DMRTA1: variants seen among roughly 807,000 people sequenced by gnomAD.
DMRTA1 encodes the protein doublesex- and mab-3-related transcription factor A1.
In DMRTA1, 34 loss-of-function variants were observed where a neutral mutation model predicts 35.2. That is an observed-to-expected ratio of 0.97 (90% CI 0.74 to 1.29). DMRTA1 has a LOEUF of 1.29. Ranked by LOEUF, DMRTA1 falls within the 50% of genes most tolerant of loss-of-function variation. DMRTA1 has a pLI of 0.00. For missense variants in DMRTA1, 824 were observed against 644.6 expected (o/e 1.28, Z -3.01); for synonymous variants, 344 against 276.6 (o/e 1.24, Z -2.42).
In DMRTA1 at chr9:22,451,637, C is replaced by T; in HGVS notation, c.1241C>T (p.Thr414Ile). The change falls in exon 2 of 2, where the codon ACT (threonine) becomes ATT (isoleucine). Residue 414 changes from threonine (T) to isoleucine (I), a missense_variant. Transcript: ENST00000325870. ...AAATCAGCTTTCTCTCCTCTTCAAA[C>T]TACTTCTGCTTCTTATGGAGGTGAT... ...GNKSAFSPLQ[T>I]TSASYGGDSS... 1 of 1,614,146 alleles carries T rather than the reference C, an allele frequency of 6.2e-7. No homozygotes were observed.
At position 22,454,827 on chromosome 9, in the gene DMRTA1, C is replaced by T. The variant is rs1297219029; in HGVS notation, c.*2916C>T. On this transcript the variant is annotated 3_prime_UTR_variant, in exon 2 of 2. Coordinates refer to ENST00000325870, the MANE Select transcript of DMRTA1 (RefSeq NM_022160.3). ...AGCTGTCCAAGAGTGTAGTGGCTGC[C>T]TCGTATGATAAAGCATCTGGAACTC... 6.6e-6 allele frequency: 1 copy of T among 152,046 alleles called. No individual in the cohort carries two copies. Among genetic ancestry groups the T allele is most frequent in the East Asian group, 1.9e-4 (1 of 5,194 alleles). 9.4% of individuals were successfully genotyped at this position (152,046 alleles called of 1,614,324 possible).
chr9:22,447,331 G>C lies in DMRTA1; in HGVS notation c.266G>C (p.Cys89Ser). ...GLESGVGAVG[C>S]GYPRTPKCAR... ...GAGAGCGGGGTAGGCGCGGTGGGCT[G>C]CGGCTACCCGCGGACGCCCAAGTGC... Residue 89 changes from cysteine to serine, a missense_variant, in exon 1 of 2, where the codon TGC becomes TCC. Transcript: ENST00000325870. 1 of 1,530,150 alleles carries C rather than the reference G, an allele frequency of 6.5e-7. No individual in the cohort carries two copies. Among genetic ancestry groups the C allele is most frequent in the Non-Finnish European group, 8.7e-7 (1 of 1,142,998 alleles). 94.8% of individuals were successfully genotyped at this position (1,530,150 alleles called of 1,614,324 possible).
chr9:22,450,437 G>GATTTGGTATT (rs1372943018), intron 1 of DMRTA1, among the ~76,000 whole-genome samples: 1 of 152,098 alleles, frequency 6.6e-6, no homozygotes, highest in Non-Finnish European at 1.5e-5. Context: ...GCTCTAGTAT[G>GATTTGGTATT]ATTTGGGATT....
At position 22,452,617 on chromosome 9, in the gene DMRTA1, A is replaced by G. The variant is rs1268666962; in HGVS notation, c.*706A>G. 2.0e-5 allele frequency: 3 copies of G among 152,296 alleles called. No homozygotes were observed. In the South Asian group the frequency reaches 6.2e-4, roughly 32 times the overall value. The allele number at this position is 152,296 out of a possible 1,614,324, so 9.4% of individuals were successfully genotyped here. On this transcript the variant is annotated 3_prime_UTR_variant, in exon 2 of 2. Coordinates refer to ENST00000325870, the MANE Select transcript of DMRTA1 (RefSeq NM_022160.3). The stretch of plus-strand genomic sequence containing the variant: ...AATAAGACTGCGCCATCTCCTGGCC[A>G]CTATCGCCAATTGCAACTGAGCTCT...
chr9:22,450,685 A>G (rs978716366), intron 1 of DMRTA1, among the ~76,000 whole-genome samples: 3 of 152,198 alleles, frequency 2.0e-5, no homozygotes, highest in Non-Finnish European at 2.9e-5. Context: ...CACTTAGATA[A>G]CAACAAAACT....
Position 22,451,713 on chromosome 9 carries a change from G to A in DMRTA1, c.1317G>A (p.Leu439=), listed in dbSNP as rs997762323. 17 of 1,614,042 alleles carry A rather than the reference G, an allele frequency of 1.1e-5. No homozygotes were observed. Among genetic ancestry groups the A allele is most frequent in the Non-Finnish European group, 1.4e-5 (16 of 1,179,944 alleles). The change falls in exon 2 of 2, where the codon CTG becomes CTA. Residue 439 remains leucine (L), a synonymous_variant. Transcript: ENST00000325870. ...NPRVGISPLR[L]AYSSAGRGLS... is the part of the protein sequence containing the mutation. ...GAGTAGGTATCAGTCCATTAAGGCT[G>A]GCATATTCTTCTGCAGGAAGAGGGT...
chr9:22,447,577 G>C lies in DMRTA1; in HGVS notation c.512G>C (p.Arg171Pro), dbSNP rs1405246361. The C allele has an allele frequency of 5.0e-6, 8 of 1,599,126 alleles. No individual in the cohort carries two copies. The highest frequency in any genetic ancestry group is 4.5e-5 in the South Asian group (4 of 89,656). The change falls in exon 1 of 2, where the codon CGG becomes CCG. Residue 171 changes from arginine to proline, a missense_variant. By Grantham distance (103) the Arg-to-Pro change is moderately radical (BLOSUM62 -2). Coordinates refer to ENST00000325870, the MANE Select transcript of DMRTA1 (RefSeq NM_022160.3). ...CSGLSWPPGG[R>P]ASGGGGRAEN... is the part of the protein sequence containing the mutation. ...GGGCTCTCCTGGCCCCCCGGTGGTCGGGCATCCGGGGGCGGCGGCAGAGCC... is the reference window on the plus strand; with the variant it reads ...GGGCTCTCCTGGCCCCCCGGTGGTCCGGCATCCGGGGGCGGCGGCAGAGCC...
chr9:22,449,697 G>C (rs891868893), intron 1 of DMRTA1, among the ~76,000 whole-genome samples: 1 of 152,078 alleles, frequency 6.6e-6, no homozygotes, highest in African/African-American at 2.4e-5. Context: ...AAATCCTATA[G>C]AGTGTTTGCA....
At position 22,451,714 on chromosome 9, in the gene DMRTA1, G is replaced by T; in HGVS notation, c.1318G>T (p.Ala440Ser). Reference sequence around the variant, plus strand: ...AGTAGGTATCAGTCCATTAAGGCTGGCATATTCTTCTGCAGGAAGAGGGTT... The same window carrying T: ...AGTAGGTATCAGTCCATTAAGGCTGTCATATTCTTCTGCAGGAAGAGGGTT... ...PRVGISPLRL[A>S]YSSAGRGLSG... The change falls in exon 2 of 2, where the codon GCA becomes TCA. Residue 440 changes from alanine (A) to serine (S), a missense_variant. Transcript: ENST00000325870. 1 of 1,614,044 alleles carries T rather than the reference G, an allele frequency of 6.2e-7. No individual in the cohort carries two copies. Among genetic ancestry groups the T allele is most frequent in the Non-Finnish European group, 8.5e-7 (1 of 1,179,952 alleles).
At position 22,447,496 on chromosome 9, in the gene DMRTA1, G is replaced by C; in HGVS notation, c.431G>C (p.Arg144Thr). The change falls in exon 1 of 2, where the codon AGG becomes ACG. Residue 144 changes from arginine (R) to threonine (T), a missense_variant. Transcript: ENST00000325870. The stretch of plus-strand genomic sequence containing the variant: ...ATGGCCGCCCAGGTGGCGCTGCGCA[G>C]GCAGCAGGCGCAGGAGGAGAGCGAA... ...RVMAAQVALR[R>T]QQAQEESEAR... The C allele has an allele frequency of 6.4e-7, 1 of 1,563,536 alleles. No individual in the cohort carries two copies. Among genetic ancestry groups the C allele is most frequent in the Non-Finnish European group, 8.7e-7 (1 of 1,155,814 alleles).
In DMRTA1 at chr9:22,451,454, A is replaced by T; in HGVS notation, c.1058A>T (p.Lys353Ile). 6.2e-7 allele frequency: 1 copy of T among 1,614,186 alleles called. No individual in the cohort carries two copies. The highest frequency in any genetic ancestry group is 8.5e-7 in the Non-Finnish European group (1 of 1,179,994). The change falls in exon 2 of 2, where the codon AAA (lysine) becomes ATA (isoleucine). Residue 353 changes from lysine (K) to isoleucine (I), a missense_variant. By Grantham distance (102) the Lys-to-Ile change is moderately radical. Transcript: ENST00000325870. ...CTAGAAGGCATTCTACGGTTCTGCA[A>T]AGGGGATGTGGTCCAAGCCATTGAA... ...SRLEGILRFC[K>I]GDVVQAIEQV...
At position 22,455,202 on chromosome 9, in the gene DMRTA1, A is replaced by T. The variant is rs1420494148; in HGVS notation, c.*3291A>T. ...TAGGCATGAGTGGGGCTTAAAGAGG[A>T]TATGGGAGAACACTGAAGACAAATA... On this transcript the variant is annotated 3_prime_UTR_variant, in exon 2 of 2. Coordinates refer to ENST00000325870, the MANE Select transcript of DMRTA1 (RefSeq NM_022160.3). The T allele has an allele frequency of 6.6e-6, 1 of 152,196 alleles. No homozygotes were observed. Among genetic ancestry groups the T allele is most frequent in the African/African-American group, 2.4e-5 (1 of 41,452 alleles). 9.4% of individuals were successfully genotyped at this position (152,196 alleles called of 1,614,324 possible).
Position 22,447,668 on chromosome 9 carries a change from G to A in DMRTA1, c.603G>A (p.Gln201=), listed in dbSNP as rs777660968. The change falls in exon 1 of 2, where the codon CAG becomes CAA. Residue 201 remains glutamine, a synonymous_variant. Transcript: ENST00000325870. ...CGCTGGGACTGGGTGCCTTGAGACA[G>A]GCCAGTGGTTCCGCGACCCCCGCTT... ...GAALGLGALR[Q]ASGSATPAFE... is the part of the protein sequence containing the mutation. The A allele has an allele frequency of 6.2e-7, 1 of 1,612,566 alleles. No homozygotes were observed. The highest frequency in any genetic ancestry group is 8.5e-7 in the Non-Finnish European group (1 of 1,179,946).
intron 1 of DMRTA1, 28 bp downstream of exon 1, chr9:22,447,760 C>G (rs13299803): frequency 6.2e-7 from 1 of 1,611,466 alleles, no homozygotes; most frequent in South Asian, 1.1e-5. Context: ...TTACTCTTTG[C>G]TCAAGGAATG....
chr9:22,448,835 T>C (rs1818880228), intron 1 of DMRTA1, among the ~76,000 whole-genome samples: 1 of 132,018 alleles, frequency 7.6e-6, no homozygotes, highest in African/African-American at 3.6e-5. Flanking sequence ...ATTTTGTGTT[T>C]GCATGTGTCA....
Position 22,454,151 on chromosome 9 carries a change from G to A in DMRTA1, c.*2240G>A, listed in dbSNP as rs6475646. On this transcript the variant is annotated 3_prime_UTR_variant, in exon 2 of 2. Coordinates refer to ENST00000325870, the MANE Select transcript of DMRTA1 (RefSeq NM_022160.3). ...AATAGGTCATTTGTCTAACAACTCA[G>A]TAGTATATGAGGAAATTGGGGCTCA... The A allele has an allele frequency of 0.81, 122,400 of 151,988 alleles. 49,493 individuals carry two copies. The highest frequency in any genetic ancestry group is 0.96 in the East Asian group (4,962 of 5,180). The allele number at this position is 151,988 out of a possible 1,614,324, so 9.4% of individuals were successfully genotyped here.
Position 22,451,094 on chromosome 9 carries a change from A to G in DMRTA1, c.698A>G (p.Gln233Arg), listed in dbSNP as rs1818917626. The G allele has an allele frequency of 5.0e-6, 8 of 1,613,646 alleles. No homozygotes were observed. The East Asian group carries it at 8.9e-5, about 18-fold the overall frequency. ...AAAGAGAGTAAATGTGAGTCATGCC[A>G]GAATGGACAAGAAGAACTGATCTCC... is the stretch of plus-strand genomic sequence containing the variant. Reference protein sequence around the residue: ...EQKESKCESCQNGQEELISKS... With the variant: ...EQKESKCESCRNGQEELISKS... Residue 233 changes from glutamine to arginine, a missense_variant, in exon 2 of 2, where the codon CAG becomes CGG. Transcript: ENST00000325870.
Position 22,447,532 on chromosome 9 carries a change from TAC to T in DMRTA1, c.469_470del (p.Gln157GlufsTer62). On this transcript the variant is annotated frameshift_variant, in exon 1 of 2. Transcript: ENST00000325870. LOFTEE classifies it high-confidence loss of function. ...CAGGAGGAGAGCGAAGCCCGGGGGC[TAC>T]AGAGGCTCCTGTGCTCGGGGCTCTC... 6.3e-7 allele frequency: 1 copy of T among 1,582,416 alleles called. No homozygotes were observed. Among genetic ancestry groups the T allele is most frequent in the South Asian group, 1.1e-5 (1 of 88,346 alleles).
In DMRTA1 at chr9:22,452,685, A is replaced by G. The variant is rs964714805; in HGVS notation, c.*774A>G. ...GAAACATTGATTCCGGAGAATAACC[A>G]TTTTTTTTTCAAATAGTCATTTTGG... is the stretch of plus-strand genomic sequence containing the variant. On this transcript the variant is annotated 3_prime_UTR_variant, in exon 2 of 2. Transcript: ENST00000325870. 2 of 150,890 alleles carry G rather than the reference A, an allele frequency of 1.3e-5. No individual in the cohort carries two copies. The highest frequency in any genetic ancestry group is 3.0e-5 in the Non-Finnish European group (2 of 67,584). The allele number at this position is 150,890 out of a possible 1,614,324, so 9.3% of individuals were successfully genotyped here.
Sources: allele counts gnomAD v4.1 joint callset (sites outside exome capture counted in the v4.1 genomes callset), GRCh38; gene constraint gnomAD v4.1.1; transcripts MANE v1.5; gene names NCBI Gene and HGNC (gene_info 2026-07-23, HGNC 2026-07-21).